Variants in SS18L1 observed in about 807,000 individuals in gnomAD.
The protein encoded by SS18L1 is SS18L1 subunit of BAF chromatin remodeling complex.
SS18L1 carries 32 observed loss-of-function variants against 70.3 expected under a neutral mutation model. That is an observed-to-expected ratio of 0.46 (90% CI 0.34 to 0.61). The LOEUF is 0.61. Among genes scored for constraint, SS18L1 ranks in the 20% least tolerant of loss-of-function variants. SS18L1 has a pLI of 0.01. For synonymous variants in SS18L1, 237 were observed against 229.7 expected (o/e 1.03, Z -0.29); for missense variants, 430 against 542.1 (o/e 0.79, Z 2.05).
Position 62,146,605 on chromosome 20 carries a change from A to ATTTTTTTTTTTTTTTT in SS18L1, c.69+2722_69+2737dup, listed in dbSNP as rs10673768. On this transcript the variant is annotated intron_variant, in intron 1 of 10. Transcript: ENST00000331758. The stretch of plus-strand genomic sequence containing the variant: ...CATCCAGCGTGTCTCTGCTTTGATC[A>ATTTTTTTTTTTTTTTT]TTTTTTTTTTTTTTTTTTTTTGAGA... Among the ~76,000 whole-genome samples, 135 of 79,718 alleles carry ATTTTTTTTTTTTTTTT rather than the reference A, an allele frequency of 1.7e-3. 19 individuals carry two copies. Among genetic ancestry groups the ATTTTTTTTTTTTTTTT allele is most frequent in the Admixed American group, 2.3e-3 (12 of 5,266 alleles). 52.3% of individuals were successfully genotyped at this position (79,718 alleles called of 152,430 possible). A position where few individuals can be genotyped will look rare whatever the true frequency, so the allele number is the denominator to read the frequency against.
intron 1 of SS18L1, among the ~76,000 whole-genome samples, chr20:62,146,753 G>C (rs2057036505): frequency 6.6e-6 from 1 of 152,040 alleles, no homozygotes; most frequent in Non-Finnish European, 1.5e-5. Flanking sequence ...CTGAGTAGCT[G>C]GGATTATAGG....
chr20:62,152,384 C>CTTCGGT (rs2057149772), intron 1 of SS18L1, among the ~76,000 whole-genome samples: 1 of 152,216 alleles, frequency 6.6e-6, no homozygotes, highest in Non-Finnish European at 1.5e-5. Flanking sequence ...TCTGGCTCCT[C>CTTCGGT]CAGATGGAGT....
chr20:62,169,133 G>A (rs2057485174), intron 8 of SS18L1, among the ~76,000 whole-genome samples: 1 of 152,224 alleles, frequency 6.6e-6, no homozygotes, highest in African/African-American at 2.4e-5. Flanking sequence ...GACGCATACT[G>A]GACAGAGCGC....
At chr20:62,177,415 C>T (rs2057638921) in intron 10 of SS18L1, among the ~76,000 whole-genome samples, 1 of 152,178 alleles carries the variant, frequency 6.6e-6, no homozygotes, top group Non-Finnish European at 1.5e-5. Context: ...AGAAAGACAT[C>T]AGAACAGACT....
In SS18L1 at chr20:62,179,888, A is replaced by G. The variant is rs1163387603; in HGVS notation, c.*680A>G. 4.4e-6 allele frequency: 1 copy of G among 224,762 alleles called. No individual in the cohort carries two copies. Among genetic ancestry groups the G allele is most frequent in the African/African-American group, 2.2e-5 (1 of 44,826 alleles). The allele number at this position is 224,762 out of a possible 1,614,324, so 13.9% of individuals were successfully genotyped here. A position where few individuals can be genotyped will look rare whatever the true frequency, so the allele number is the denominator to read the frequency against. ...GGTACATGTTTTTGTATTAAAAAGT[A>G]AACAGGGATCAGTGACTGTATTCCA... On this transcript the variant is annotated 3_prime_UTR_variant, in exon 11 of 11. Coordinates refer to ENST00000331758, the MANE Select transcript of SS18L1 (RefSeq NM_198935.3).
rs754709965 is a variant in SS18L1 at position 62,143,786 on chromosome 20, C to T, written c.-35C>T. ...CGCCCAGCGCAGCCGGAGTATCCAC[C>T]TCGATGACCACGGGCTGAGCCCCGC... On this transcript the variant is annotated 5_prime_UTR_variant, in exon 1 of 11. Coordinates refer to ENST00000331758, the MANE Select transcript of SS18L1 (RefSeq NM_198935.3). 7.3e-5 allele frequency: 98 copies of T among 1,348,120 alleles called. No individual in the cohort carries two copies. Among genetic ancestry groups the T allele is most frequent in the East Asian group, 1.7e-4 (4 of 24,102 alleles). 83.5% of individuals were successfully genotyped at this position (1,348,120 alleles called of 1,614,324 possible).
chr20:62,165,606 C>T (rs1309158874), intron 8 of SS18L1, 92 bp downstream of exon 8: 1 of 1,179,278 alleles, frequency 8.5e-7, no homozygotes, highest in Non-Finnish European at 1.2e-6. Flanking sequence ...CGGTGCCTGC[C>T]TTCAGTGAGT....
rs903639480 is a variant in SS18L1, at chr20:62,181,875, G to A, written c.*2667G>A. The A allele has an allele frequency of 1.1e-4, 24 of 228,078 alleles. 1 individual carries two copies. In the East Asian group the frequency reaches 1.3e-3, roughly 12 times the overall value. 14.1% of individuals were successfully genotyped at this position (228,078 alleles called of 1,614,324 possible). ...ACTACTTCTATGGAAGGCCAGTGAA[G>A]AAGCAAAGGAAGACATGAAAATTGA... is the stretch of plus-strand genomic sequence containing the variant. On this transcript the variant is annotated 3_prime_UTR_variant, in exon 11 of 11. Transcript: ENST00000331758.
At chr20:62,143,968 CGGGCGCG>C (rs1170597128) in intron 1 of SS18L1, 79 bp downstream of exon 1, 1 of 896,008 alleles carries the variant, frequency 1.1e-6, no homozygotes, top group Non-Finnish European at 1.3e-6. Flanking sequence ...GGGCAGCTGG[CGGGCGCG>C]GGGCGCGAAC....
chr20:62,163,118 C>T (rs773359648), intron 5 of SS18L1, among the ~76,000 whole-genome samples, 187 bp downstream of exon 5: 2 of 152,132 alleles, frequency 1.3e-5, no homozygotes, highest in Admixed American at 1.3e-4. Context: ...AGTGGGTGCA[C>T]GATCAACTCC....
At chr20:62,148,933 G>A (rs1333561017) in intron 1 of SS18L1, among the ~76,000 whole-genome samples, 1 of 152,228 alleles carries the variant, frequency 6.6e-6, no homozygotes, top group African/African-American at 2.4e-5. Context: ...CCATCCAGTC[G>A]CCGGGTGTGG....
In SS18L1 at chr20:62,181,014, A is replaced by G. The variant is rs1047038764; in HGVS notation, c.*1806A>G. 14 of 185,388 alleles carry G rather than the reference A, an allele frequency of 7.6e-5. No individual in the cohort carries two copies. The highest frequency in any genetic ancestry group is 1.5e-4 in the Non-Finnish European group (13 of 87,544). 11.5% of individuals were successfully genotyped at this position (185,388 alleles called of 1,614,324 possible). ...GCTTGAATTAATTCTGACAGCCCCT[A>G]TGAGGAAATCTGGAGGCAGGTAACA... On this transcript the variant is annotated 3_prime_UTR_variant, in exon 11 of 11. Coordinates refer to ENST00000331758, the MANE Select transcript of SS18L1 (RefSeq NM_198935.3).
At chr20:62,160,783 C>CA (rs1035363037) in intron 3 of SS18L1, among the ~76,000 whole-genome samples, 2 of 152,100 alleles carry the variant, frequency 1.3e-5, no homozygotes, top group African/African-American at 4.8e-5. Context: ...ATTGACCTGT[C>CA]AAATTGCACT....
chr20:62,157,051 CCT>C (rs147657928), intron 1 of SS18L1, among the ~76,000 whole-genome samples: 8,080 of 152,190 alleles, frequency 0.053, 716 homozygotes, highest in African/African-American at 0.18. Context: ...CCCCCTCTCT[CCT>C]CTCTCGCCTC....
chr20:62,149,392 CTGGTCTGAT>C (rs1248032802), intron 1 of SS18L1, among the ~76,000 whole-genome samples: 3 of 152,234 alleles, frequency 2.0e-5, no homozygotes, highest in Non-Finnish European at 4.4e-5. Context: ...TCCTGTGACA[CTGGTCTGAT>C]TCTAATCGGC....
In SS18L1 at chr20:62,180,633, C is replaced by T. The variant is rs542035878; in HGVS notation, c.*1425C>T. 17 of 167,696 alleles carry T rather than the reference C, an allele frequency of 1.0e-4. No individual in the cohort carries two copies. The East Asian group carries it at 1.7e-3, about 17-fold the overall frequency. 10.4% of individuals were successfully genotyped at this position (167,696 alleles called of 1,614,324 possible). A position where few individuals can be genotyped will look rare whatever the true frequency, so the allele number is the denominator to read the frequency against. On this transcript the variant is annotated 3_prime_UTR_variant, in exon 11 of 11. Coordinates refer to ENST00000331758, the MANE Select transcript of SS18L1 (RefSeq NM_198935.3). ...AAGTAATTCTTGGCGTGGTGGTTCA[C>T]GCCTGTAATCCCAGCACTTTGGGAG...
intron 1 of SS18L1, among the ~76,000 whole-genome samples, chr20:62,155,724 G>A (rs532937481): frequency 1.4e-4 from 21 of 152,336 alleles, no homozygotes; most frequent in African/African-American, 4.8e-4. Context: ...AAAGGTGCCA[G>A]AATTTTAACA....
chr20:62,167,038 G>GTTTTTTTTTT lies in SS18L1; in HGVS notation c.916+1527_916+1528insTTTTTTTTTT, dbSNP rs201677571. On this transcript the variant is annotated intron_variant, in intron 8 of 10. Coordinates refer to ENST00000331758, the MANE Select transcript of SS18L1 (RefSeq NM_198935.3). ...GAGGATTGCTTGAGCTCAGGAGTTT[G>GTTTTTTTTTT]TTTGTTTTTTTTTTTTTTTTTTTTT... Among the ~76,000 whole-genome samples the GTTTTTTTTTT allele has an allele frequency of 6.9e-3, 763 of 110,746 alleles. 42 individuals are homozygous for GTTTTTTTTTT. Among genetic ancestry groups the GTTTTTTTTTT allele is most frequent in the South Asian group, 0.042 (134 of 3,188 alleles). The allele number at this position is 110,746 out of a possible 152,430, so 72.7% of individuals were successfully genotyped here.
Position 62,158,964 on chromosome 20 carries a change from C to G in SS18L1, c.146+216C>G. 1.3e-6 allele frequency: 2 copies of G among 1,569,024 alleles called. No individual in the cohort carries two copies. Among genetic ancestry groups the G allele is most frequent in the South Asian group, 2.2e-5 (2 of 89,830 alleles). On this transcript the variant is annotated intron_variant, in intron 2 of 10. Transcript: ENST00000331758. This position sits in a 1 kb window ranked among gnomAD's most constrained non-coding sequence, Gnocchi z 4.5. ...GGAGGTCAGATATGTCCCGAGAGTC[C>G]CCCAGCACGGAGGCCAGATATGTCC...
Sources: allele counts gnomAD v4.1 joint callset (sites outside exome capture counted in the v4.1 genomes callset), GRCh38; gene constraint gnomAD v4.1.1; non-coding constraint Gnocchi (gnomAD v3.1); transcripts MANE v1.5; gene names NCBI Gene and HGNC (gene_info 2026-07-23, HGNC 2026-07-21).